SGCE: variants seen among roughly 807,000 people sequenced by gnomAD.
SGCE encodes sarcoglycan epsilon, also known as epsilon-sarcoglycan.
Under a neutral mutation model 57.8 loss-of-function variants are expected in SGCE, and 26 were observed. The ratio of observed to expected loss-of-function variants is 0.45; its 90% CI spans 0.33 to 0.62. The LOEUF (loss-of-function observed/expected upper bound fraction) is 0.62. Among genes scored for constraint, SGCE ranks in the 20% least tolerant of loss-of-function variants. The pLI, the probability that SGCE is intolerant of heterozygous loss-of-function variation, is 0.02. For missense variants in SGCE, 468 were observed against 548.6 expected (o/e 0.85, Z 1.47); for synonymous variants, 183 against 189.5 (o/e 0.97, Z 0.28).
intron 5 of SGCE, among the ~76,000 whole-genome samples, chr7:94,609,738 G>A (rs1378828152): frequency 6.6e-6 from 1 of 152,200 alleles, no homozygotes; most frequent in East Asian, 1.9e-4. Context: ...TGAAGCAACA[G>A]CAACTTTTAT....
intron 1 of SGCE, among the ~76,000 whole-genome samples, chr7:94,640,347 G>A (rs190330973): frequency 8.4e-4 from 128 of 152,268 alleles, no homozygotes; most frequent in African/African-American, 2.8e-3. Flanking sequence ...AAGATACCAT[G>A]TCCCTGGTAA....
chr7:94,589,236 A>G (rs1425702857), intron 9 of SGCE: 1 of 167,580 alleles, frequency 6.0e-6, no homozygotes, highest in Non-Finnish European at 1.3e-5. Flanking sequence ...ATCCAGATGC[A>G]TTGGCGGAAT....
chr7:94,612,577 A>G (rs1482183568), intron 5 of SGCE, among the ~76,000 whole-genome samples: 1 of 152,168 alleles, frequency 6.6e-6, no homozygotes, highest in Non-Finnish European at 1.5e-5. Flanking sequence ...AGTTGCTTCC[A>G]ATTTTTTGAA....
At chr7:94,648,781 A>AT (rs1807478436) in intron 1 of SGCE, among the ~76,000 whole-genome samples, 1 of 152,196 alleles carries the variant, frequency 6.6e-6, no homozygotes, top group Non-Finnish European at 1.5e-5. Flanking sequence ...CCTCAGGGCT[A>AT]TTTTTTCTCT....
chr7:94,605,180 C>A (rs1228981115), intron 5 of SGCE, among the ~76,000 whole-genome samples: 2 of 151,962 alleles, frequency 1.3e-5, no homozygotes, highest in African/African-American at 4.8e-5. Context: ...TCAGATATGG[C>A]AGAGATGTTG....
chr7:94,613,060 G>A (rs985041933), intron 5 of SGCE, among the ~76,000 whole-genome samples: 1 of 152,198 alleles, frequency 6.6e-6, no homozygotes, highest in Non-Finnish European at 1.5e-5. Context: ...CTTTGCCACT[G>A]TCCTCAGGTA....
At chr7:94,645,400 G>A (rs1806920372) in intron 1 of SGCE, among the ~76,000 whole-genome samples, 2 of 152,132 alleles carry the variant, frequency 1.3e-5, no homozygotes, top group Non-Finnish European at 1.5e-5. Flanking sequence ...TTTGTTGAAA[G>A]AAGAAAGCTT....
At chr7:94,649,416 T>A (rs1191220793) in intron 1 of SGCE, among the ~76,000 whole-genome samples, 1 of 152,192 alleles carries the variant, frequency 6.6e-6, no homozygotes, top group Non-Finnish European at 1.5e-5. Context: ...TTTTAAAATG[T>A]AGACACTGGG....
At chr7:94,593,407 A>T (rs976273094) in intron 9 of SGCE, among the ~76,000 whole-genome samples, 3 of 152,064 alleles carry the variant, frequency 2.0e-5, no homozygotes, top group Non-Finnish European at 2.9e-5. Flanking sequence ...CTCCAAAAAA[A>T]TCAATTGGTA....
rs569597042 is a variant in SGCE at position 94,630,469 on chromosome 7, C to T, written c.110-628G>A. ...TGATCTTGATATTTAATAATTCAAA[C>T]AATATAATCTATTATATTATGCTGC... On this transcript the variant is annotated intron_variant, in intron 1 of 10. Coordinates refer to ENST00000648936, the MANE Select transcript of SGCE (RefSeq NM_003919.3). Among the ~76,000 whole-genome samples the T allele has an allele frequency of 2.0e-5, 3 of 151,748 alleles. No homozygotes were observed. The South Asian group carries it at 6.2e-4, about 31-fold the overall frequency.
At position 94,632,893 on chromosome 7, in the gene SGCE, C is replaced by T. The variant is rs150120432; in HGVS notation, c.110-3052G>A. Among the ~76,000 whole-genome samples the T allele has an allele frequency of 6.6e-5, 10 of 152,194 alleles. No individual in the cohort carries two copies. In the East Asian group the frequency reaches 1.9e-3, roughly 29 times the overall value. ...AAGCTGATGGGGTCCACTCCAACACCTACAGAGGCTATTACTAACAGTTAA... is the reference window on the plus strand; with the variant it reads ...AAGCTGATGGGGTCCACTCCAACACTTACAGAGGCTATTACTAACAGTTAA... On this transcript the variant is annotated intron_variant, in intron 1 of 10. Coordinates refer to ENST00000648936, the MANE Select transcript of SGCE (RefSeq NM_003919.3).
chr7:94,594,311 TA>T (rs377000889), intron 9 of SGCE: 1 of 152,194 alleles, frequency 6.6e-6, no homozygotes, highest in African/African-American at 2.4e-5. Context: ...CAAATGTCTA[TA>T]GGGGAAAAAA....
At chr7:94,593,978 C>T (rs570119842) in intron 9 of SGCE, among the ~76,000 whole-genome samples, 3 of 152,212 alleles carry the variant, frequency 2.0e-5, no homozygotes, top group Non-Finnish European at 4.4e-5. Flanking sequence ...TCCAAATTCC[C>T]ATACTCAGAG....
At chr7:94,602,583 AAAG>A (rs1373155682) in intron 6 of SGCE, among the ~76,000 whole-genome samples, 1 of 152,022 alleles carries the variant, frequency 6.6e-6, no homozygotes, top group Non-Finnish European at 1.5e-5. Context: ...ATTAATATGA[AAAG>A]AAAAAAAAAA....
At chr7:94,651,114 C>T (rs1178314710) in intron 1 of SGCE, among the ~76,000 whole-genome samples, 1 of 152,160 alleles carries the variant, frequency 6.6e-6, no homozygotes, top group African/African-American at 2.4e-5. Flanking sequence ...TATCATGCCA[C>T]TGGTTCATAA....
intron 9 of SGCE, chr7:94,590,019 A>G (rs536884055): frequency 6.6e-6 from 1 of 152,278 alleles, no homozygotes; most frequent in African/African-American, 2.4e-5. Flanking sequence ...ACACATTTCA[A>G]TATTTCCTTG....
At chr7:94,641,465 G>T (rs1806368542) in intron 1 of SGCE, among the ~76,000 whole-genome samples, 1 of 152,152 alleles carries the variant, frequency 6.6e-6, no homozygotes, top group Non-Finnish European at 1.5e-5. Context: ...TAGAGGAAAA[G>T]ATGTAAGGGG....
chr7:94,604,807 ATATATATATAT>A (rs1799806911), intron 5 of SGCE, among the ~76,000 whole-genome samples: 1 of 2,908 alleles, frequency 3.4e-4, no homozygotes, highest in African/African-American at 1.3e-3. Context: ...TGGTGCTGGA[ATATATATATAT>A]ATATATATAT....
rs189060786 is a variant in SGCE, at chr7:94,623,272, A to C, written c.463+53T>G. The C allele has an allele frequency of 1.8e-5, 20 of 1,128,854 alleles. No individual in the cohort carries two copies. In the Admixed American group the frequency reaches 2.7e-4, roughly 15 times the overall value. 69.9% of individuals were successfully genotyped at this position (1,128,854 alleles called of 1,614,324 possible). ...ACTATATTTTATGTAGTTATAAAAC[A>C]TAATGAAATACTTCTTATAAATAAG... On this transcript the variant is annotated intron_variant, in intron 4 of 10. Transcript: ENST00000648936.
Sources: allele counts gnomAD v4.1 joint callset (sites outside exome capture counted in the v4.1 genomes callset), GRCh38; gene constraint gnomAD v4.1.1; transcripts MANE v1.5; gene names NCBI Gene and HGNC (gene_info 2026-07-23, HGNC 2026-07-21).